NFAT5: variants seen among roughly 807,000 people sequenced by gnomAD.
The protein encoded by NFAT5 is nuclear factor of activated T-cells 5.
NFAT5 carries 31 observed loss-of-function variants against 166.5 expected under a neutral mutation model. That is an observed-to-expected ratio of 0.19 (90% CI 0.14 to 0.25). The LOEUF (loss-of-function observed/expected upper bound fraction) is 0.25. Among genes scored for constraint, NFAT5 ranks in the 10% least tolerant of loss-of-function variants. The probability of loss-of-function intolerance (pLI) is 1.00; values close to 1 mark genes in which losing one functional copy is unlikely to be tolerated. For missense variants in NFAT5, 1,449 were observed against 1,821.8 expected (o/e 0.80, Z 3.72); for synonymous variants, 612 against 639.7 (o/e 0.96, Z 0.65).
rs914420698 is a variant in NFAT5 at position 69,610,330 on chromosome 16, G to GT, written c.128-16065dup. Among the ~76,000 whole-genome samples the GT allele has an allele frequency of 9.9e-5, 15 of 151,596 alleles. No homozygotes were observed. The South Asian group carries it at 1.0e-3, about 11-fold the overall frequency. ...AATGACAGAAAGGAAAACAAGATGG[G>GT]TTTTTTTTGGTTTTTGTTTGTCTAA... On this transcript the variant is annotated intron_variant, in intron 2 of 14. Transcript: ENST00000349945.
At chr16:69,578,606 C>A (rs1309379050) in intron 2 of NFAT5, among the ~76,000 whole-genome samples, 2 of 152,024 alleles carry the variant, frequency 1.3e-5, no homozygotes, top group Non-Finnish European at 2.9e-5. Flanking sequence ...GACCATAAGC[C>A]AAACACAGAC....
intron 2 of NFAT5, among the ~76,000 whole-genome samples, chr16:69,611,177 A>G (rs768966360): frequency 6.6e-6 from 1 of 152,326 alleles, no homozygotes. Flanking sequence ...ATTATTATGT[A>G]TGTTTACAAG....
At chr16:69,685,074 C>T (rs2037232683) in intron 11 of NFAT5, 104 bp downstream of exon 11, 2 of 559,172 alleles carry the variant, frequency 3.6e-6, no homozygotes, top group Admixed American at 3.3e-5. Context: ...TAATACTTTG[C>T]AGGGTATCTT....
At chr16:69,573,814 G>A (rs1286034064) in intron 2 of NFAT5, among the ~76,000 whole-genome samples, 1 of 150,856 alleles carries the variant, frequency 6.6e-6, no homozygotes, top group African/African-American at 2.4e-5. Context: ...TTTCAAAGTG[G>A]TAGTACAGAA....
At chr16:69,598,746 C>T (rs1236415052) in intron 2 of NFAT5, among the ~76,000 whole-genome samples, 2 of 152,016 alleles carry the variant, frequency 1.3e-5, no homozygotes, top group Non-Finnish European at 1.5e-5. Flanking sequence ...CAGCGTAGGC[C>T]GGGCACGATG....
intron 3 of NFAT5, among the ~76,000 whole-genome samples, chr16:69,641,653 T>G (rs903234825): frequency 5.3e-4 from 80 of 152,304 alleles, no homozygotes; most frequent in African/African-American, 1.8e-3. Context: ...AAAGTATATC[T>G]TTTTTATGAT....
chr16:69,643,696 C>T (rs1465217977), intron 3 of NFAT5, among the ~76,000 whole-genome samples: 1 of 151,782 alleles, frequency 6.6e-6, no homozygotes, highest in African/African-American at 2.4e-5. Flanking sequence ...CATTTATTTG[C>T]CAGCTTATCT....
chr16:69,684,491 T>C (rs951818678), intron 10 of NFAT5, among the ~76,000 whole-genome samples: 2 of 151,186 alleles, frequency 1.3e-5, no homozygotes, highest in African/African-American at 4.9e-5. Flanking sequence ...ACCCAGGAGG[T>C]GGAGGTTGCA....
intron 4 of NFAT5, chr16:69,648,193 C>CAAA: frequency 9.9e-6 from 8 of 810,888 alleles, no homozygotes; most frequent in Non-Finnish European, 1.2e-5. Flanking sequence ...AAAAAAACAC[C>CAAA]AAAAAAAAAA....
intron 7 of NFAT5, among the ~76,000 whole-genome samples, chr16:69,660,865 A>G (rs1597491204): frequency 6.6e-6 from 1 of 150,984 alleles, no homozygotes; most frequent in Non-Finnish European, 1.5e-5. Context: ...CTGGAGTGCA[A>G]TGGTGTGATC....
chr16:69,580,058 A>G (rs2031567236), intron 2 of NFAT5, among the ~76,000 whole-genome samples: 1 of 152,200 alleles, frequency 6.6e-6, no homozygotes, highest in Admixed American at 6.5e-5. Flanking sequence ...GCAAGAAACC[A>G]GGATTTTATT....
In NFAT5 at chr16:69,691,835, T is replaced by C; in HGVS notation, c.2010T>C (p.Ser670=). ...ATGGCTCTTTTTCATCACCATCATC[T>C]TCCCACCTACCTTCTGAAAATGAAA... ...AGNGSFSSPS[S]SHLPSENEKQ... Residue 670 remains serine, a synonymous_variant, in exon 13 of 15, where the codon TCT becomes TCC. Transcript: ENST00000349945. 2 of 1,614,176 alleles carry C rather than the reference T, an allele frequency of 1.2e-6. No individual in the cohort carries two copies. The highest frequency in any genetic ancestry group is 1.7e-6 in the Non-Finnish European group (2 of 1,180,024).
chr16:69,688,234 T>TTTGAGGCTG (rs1206653467), intron 11 of NFAT5, among the ~76,000 whole-genome samples: 11 of 127,614 alleles, frequency 8.6e-5, no homozygotes, highest in Non-Finnish European at 1.8e-4. Flanking sequence ...AAACCAGGAG[T>TTTGAGGCTG]TTGAGGCTGC....
chr16:69,580,647 G>A (rs943248670), intron 2 of NFAT5, among the ~76,000 whole-genome samples: 1 of 152,046 alleles, frequency 6.6e-6, no homozygotes, highest in Non-Finnish European at 1.5e-5. Context: ...TGGGTTTTAG[G>A]ATGAAATCCA....
At chr16:69,591,562 A>G (rs753639807) in intron 2 of NFAT5, among the ~76,000 whole-genome samples, 1 of 152,130 alleles carries the variant, frequency 6.6e-6, no homozygotes, top group Non-Finnish European at 1.5e-5. Context: ...ATTATCGTGA[A>G]GCTTCTATGA....
intron 7 of NFAT5, among the ~76,000 whole-genome samples, chr16:69,662,626 ATTT>A (rs755452771): frequency 2.0e-4 from 30 of 151,750 alleles, no homozygotes; most frequent in Non-Finnish European, 3.5e-4. Flanking sequence ...CGCCCGGCTA[ATTT>A]TTTGTATTTT....
rs954795623 is a variant in NFAT5, at chr16:69,702,592, A to G, written c.*6241A>G. 1 of 152,336 alleles carries G rather than the reference A, an allele frequency of 6.6e-6. No homozygotes were observed. The highest frequency in any genetic ancestry group is 1.5e-5 in the Non-Finnish European group (1 of 68,050). 9.4% of individuals were successfully genotyped at this position (152,336 alleles called of 1,614,324 possible). On this transcript the variant is annotated 3_prime_UTR_variant, in exon 15 of 15. Coordinates refer to ENST00000349945, the MANE Select transcript of NFAT5 (RefSeq NM_138713.4). ...AGTATCACCTGGGAACTAGTTAGAA[A>G]TGTAAATTCTTTGGCCCCATCCCAG...
chr16:69,568,529 T>C lies in NFAT5; in HGVS notation c.108T>C (p.His36=). The part of the protein sequence containing the change: ...SLKLHPSQNF[H]RAGLLEESVY... ...AGTTACACCCATCACAGAATTTTCA[T>C]AGAGCTGGACTATTGGAAGGTCAGC... Residue 36 remains histidine (H), a synonymous_variant, in exon 2 of 15, where the codon CAT becomes CAC. Coordinates refer to ENST00000349945, the MANE Select transcript of NFAT5 (RefSeq NM_138713.4). 1 of 1,613,424 alleles carries C rather than the reference T, an allele frequency of 6.2e-7. No homozygotes were observed. Among genetic ancestry groups the C allele is most frequent in the Non-Finnish European group, 8.5e-7 (1 of 1,179,640 alleles).
chr16:69,600,349 A>T (rs2033061986), intron 2 of NFAT5, among the ~76,000 whole-genome samples: 1 of 152,138 alleles, frequency 6.6e-6, no homozygotes, highest in Non-Finnish European at 1.5e-5. Context: ...GCCAAGTAGT[A>T]GTTGGTTGAG....
Sources: allele counts gnomAD v4.1 joint callset (sites outside exome capture counted in the v4.1 genomes callset), GRCh38; gene constraint gnomAD v4.1.1; transcripts MANE v1.5; gene names NCBI Gene and HGNC (gene_info 2026-07-23, HGNC 2026-07-21).